The following CCL15 variants were observed in gnomAD, a reference collection of about 807,000 sequenced individuals.
CCL15 encodes the protein C-C motif chemokine ligand 15, also known as C-C motif chemokine 15.
A neutral mutation model predicts 10.6 loss-of-function variants in CCL15; 8 were observed. That is an observed-to-expected ratio of 0.75 (90% CI 0.44 to 1.36). The LOEUF (loss-of-function observed/expected upper bound fraction) is 1.36. CCL15 is among the 40% of genes most tolerant of loss of function. The probability of loss-of-function intolerance (pLI) is 0.00; values close to 1 mark genes in which losing one functional copy is unlikely to be tolerated. For synonymous variants in CCL15, 51 were observed against 48.8 expected, an observed-to-expected ratio of 1.04 and a Z score of -0.19; for missense variants, 128 against 136.6, an observed-to-expected ratio of 0.94 and a Z score of 0.32.
chr17:35,997,751 T>G lies in CCL15; in HGVS notation c.*16A>C, dbSNP rs1426772876. ...GTGTTGGAGGTGGGTGGCTGGCCTC[T>G]TTTGTCTCTTTATTATTATATTGAG... On this transcript the variant is annotated 3_prime_UTR_variant, in exon 4 of 4. Coordinates refer to ENST00000617897, the MANE Select transcript of CCL15 (RefSeq NM_032965.6). 2 of 1,574,630 alleles carry G rather than the reference T, an allele frequency of 1.3e-6. No homozygotes were observed. Among genetic ancestry groups the G allele is most frequent in the South Asian group, 1.1e-5 (1 of 90,144 alleles).
At chr17:36,001,265 G>C in intron 1 of CCL15, 152 bp downstream of exon 1, 2 of 978,536 alleles carry the variant, frequency 2.0e-6, no homozygotes, top group South Asian at 1.7e-5. Context: ...GGGTCCAAAG[G>C]CTGCAGACAG....
Position 36,001,416 on chromosome 17 carries a change from C to T in CCL15, c.76+1G>A, listed in dbSNP as rs1463744083. 6.2e-7 allele frequency: 1 copy of T among 1,614,136 alleles called. No homozygotes were observed. The highest frequency in any genetic ancestry group is 8.5e-7 in the Non-Finnish European group (1 of 1,179,998). On this transcript the variant is annotated splice_donor_variant, in intron 1 of 3. Transcript: ENST00000617897. LOFTEE classifies it high-confidence loss of function. ...CCTGGGAGAAAGCTCACTGGACTCA[C>T]CATTTGTGAACTGGGCCTGGGATCC...
rs1432062841 is a variant in CCL15, at chr17:36,000,702, G to T, written c.76+715C>A. On this transcript the variant is annotated intron_variant, in intron 1 of 3. Transcript: ENST00000617897. Reference sequence around the variant, plus strand: ...CTAGAGACTATCCCTATACCCCAAAGCCTGAAAGGCTTATTCAGACTACCC... The same window carrying T: ...CTAGAGACTATCCCTATACCCCAAATCCTGAAAGGCTTATTCAGACTACCC... Among the ~76,000 whole-genome samples the T allele has an allele frequency of 4.6e-5, 7 of 152,024 alleles. No individual in the cohort carries two copies. The East Asian group carries it at 1.2e-3, about 25-fold the overall frequency.
In CCL15 at chr17:36,001,522, G is replaced by A. The variant is rs550376323; in HGVS notation, c.-30C>T. The A allele has an allele frequency of 4.4e-5, 71 of 1,611,978 alleles. 1 individual carries two copies. Among genetic ancestry groups the A allele is most frequent in the Non-Finnish European group, 5.9e-5 (70 of 1,179,728 alleles). On this transcript the variant is annotated 5_prime_UTR_variant, in exon 1 of 4. Coordinates refer to ENST00000617897, the MANE Select transcript of CCL15 (RefSeq NM_032965.6). ...CTGGTGGGCAGGCAGGGCTGGCCGA[G>A]GACTCCTGGGCTCACTGCTTCCTGG...
Position 35,998,465 on chromosome 17 carries a change from A to T in CCL15, c.137-74T>A, listed in dbSNP as rs1057019301. The T allele has an allele frequency of 3.0e-4, 293 of 988,594 alleles. 2 individuals carry two copies. Among genetic ancestry groups the T allele is most frequent in the South Asian group, 1.6e-3 (117 of 74,494 alleles). 61.2% of individuals were successfully genotyped at this position (988,594 alleles called of 1,614,324 possible). On this transcript the variant is annotated intron_variant, in intron 2 of 3. Transcript: ENST00000617897. ...GCACAGTGGAGGGTGAGAAGGCACA[A>T]GCCTCTGAAGACATGTTTCTCCTCC...
intron 1 of CCL15, among the ~76,000 whole-genome samples, chr17:35,999,760 C>T (rs1598747269): frequency 6.6e-6 from 1 of 152,056 alleles, no homozygotes; most frequent in African/African-American, 2.4e-5. Context: ...CCATGCCTAG[C>T]GTGTATTACC....
intron 2 of CCL15, 58 bp downstream of exon 2, chr17:35,998,808 T>A: frequency 1.6e-6 from 2 of 1,284,058 alleles, no homozygotes; most frequent in Non-Finnish European, 2.3e-6. Flanking sequence ...ATGGATCCCA[T>A]AGTGCAGACC....
intron 1 of CCL15, among the ~76,000 whole-genome samples, 183 bp downstream of exon 1, chr17:36,001,234 T>C (rs555313716): frequency 1.3e-5 from 2 of 152,366 alleles, no homozygotes; most frequent in East Asian, 1.9e-4. Context: ...GGACCAGTCA[T>C]CTGTGTACCT....
chr17:36,000,146 A>G (rs2089974179), intron 1 of CCL15, among the ~76,000 whole-genome samples: 1 of 112,198 alleles, frequency 8.9e-6, no homozygotes, highest in East Asian at 2.8e-4. Context: ...GTGAGACTCC[A>G]TCTCAAAAAA....
intron 2 of CCL15, 127 bp downstream of exon 2, chr17:35,998,739 G>A (rs2089949462): frequency 5.0e-6 from 4 of 801,292 alleles, no homozygotes; most frequent in Middle Eastern, 2.8e-4. Context: ...GATCTCCCTT[G>A]GAGATATTCA....
rs958396050 is a variant in CCL15 at position 35,999,516 on chromosome 17, C to T, written c.77-591G>A. Among the ~76,000 whole-genome samples the T allele has an allele frequency of 2.7e-5, 4 of 150,542 alleles. No homozygotes were observed. In the South Asian group the frequency reaches 6.3e-4, roughly 24 times the overall value. On this transcript the variant is annotated intron_variant, in intron 1 of 3. Transcript: ENST00000617897. The stretch of plus-strand genomic sequence containing the variant: ...TCTTTTTCTGTCACCCAGGCTGGGG[C>T]GCAGTGGTATGATCATAACTCACTG...
chr17:36,000,703 C>A (rs888741802), intron 1 of CCL15, among the ~76,000 whole-genome samples: 5 of 152,036 alleles, frequency 3.3e-5, no homozygotes, highest in Non-Finnish European at 7.4e-5. Flanking sequence ...TACCCCAAAG[C>A]CTGAAAGGCT....
chr17:35,997,628 A>G lies in CCL15; in HGVS notation c.*139T>C. On this transcript the variant is annotated 3_prime_UTR_variant, in exon 4 of 4. Coordinates refer to ENST00000617897, the MANE Select transcript of CCL15 (RefSeq NM_032965.6). ...TTCCTCTTAAAACTCAAGCAAAGTT[A>G]AAAAATTGAATACTCTTTATTAGAT... 1 of 581,594 alleles carries G rather than the reference A, an allele frequency of 1.7e-6. No individual in the cohort carries two copies. The highest frequency in any genetic ancestry group is 3.0e-6 in the Non-Finnish European group (1 of 331,650). 36.0% of individuals were successfully genotyped at this position (581,594 alleles called of 1,614,324 possible). A position where few individuals can be genotyped will look rare whatever the true frequency, so the allele number is the denominator to read the frequency against.
chr17:35,998,934 A>AGCAG lies in CCL15; in HGVS notation c.77-10_77-9insCTGC. On this transcript the variant is annotated splice_polypyrimidine_tract_variant and intron_variant, in intron 1 of 3. Coordinates refer to ENST00000617897, the MANE Select transcript of CCL15 (RefSeq NM_032965.6). ...TAACTCTGTCTCTGCATCTGAAAGA[A>AGCAG]ACAGTACAGGGAAGGAAATCACTGG... The AGCAG allele has an allele frequency of 6.2e-7, 1 of 1,612,380 alleles. No individual in the cohort carries two copies. The highest frequency in any genetic ancestry group is 8.5e-7 in the Non-Finnish European group (1 of 1,178,342).
At chr17:35,998,640 G>T (rs1024709554) in intron 2 of CCL15, among the ~76,000 whole-genome samples, 2 of 152,248 alleles carry the variant, frequency 1.3e-5, no homozygotes, top group Non-Finnish European at 2.9e-5. Flanking sequence ...GCATCAGAGA[G>T]CACCTTCTTC....
chr17:36,000,282 T>C (rs1351858588), intron 1 of CCL15, among the ~76,000 whole-genome samples: 1 of 151,130 alleles, frequency 6.6e-6, no homozygotes, highest in Non-Finnish European at 1.5e-5. Context: ...GCCAACATGG[T>C]GAAACCCCGC....
chr17:36,001,472 G>A lies in CCL15; in HGVS notation c.21C>T (p.Ala7=). The A allele has an allele frequency of 6.2e-7, 1 of 1,613,844 alleles. No individual in the cohort carries two copies. The highest frequency in any genetic ancestry group is 2.2e-5 in the East Asian group (1 of 44,884). Residue 7 remains alanine, a synonymous_variant, in exon 1 of 4, where the codon GCC becomes GCT. Transcript: ENST00000617897. MKVSVA[A]LSCLMLVAVL... Reference sequence around the variant, plus strand: ...CAGCAACAAGCATGAGGCAGGAGAGGGCAGCCACGGAGACCTTCATCCTCC... The same window carrying A: ...CAGCAACAAGCATGAGGCAGGAGAGAGCAGCCACGGAGACCTTCATCCTCC...
intron 3 of CCL15, 123 bp downstream of exon 3, chr17:35,998,157 C>G: frequency 1.5e-6 from 1 of 676,844 alleles, no homozygotes; most frequent in Admixed American, 2.5e-5. Context: ...AAGGACACAG[C>G]TGCCCTGTAT....
At position 35,997,683 on chromosome 17, in the gene CCL15, A is replaced by G. The variant is rs564900128; in HGVS notation, c.*84T>C. On this transcript the variant is annotated 3_prime_UTR_variant, in exon 4 of 4. Transcript: ENST00000617897. ...TACTTTCATTACCAGACACAACAAT[A>G]TATATATTTTTTAAGTATTTCAGAC... The G allele has an allele frequency of 1.5e-5, 12 of 781,854 alleles. No homozygotes were observed. In the South Asian group the frequency reaches 1.6e-4, roughly 11 times the overall value. 48.4% of individuals were successfully genotyped at this position (781,854 alleles called of 1,614,324 possible).
Sources: allele counts gnomAD v4.1 joint callset (sites outside exome capture counted in the v4.1 genomes callset), GRCh38; gene constraint gnomAD v4.1.1; transcripts MANE v1.5; gene names NCBI Gene and HGNC (gene_info 2026-07-23, HGNC 2026-07-21).